Variants in PTPN2 observed in about 807,000 individuals in gnomAD.
The protein encoded by PTPN2 is protein tyrosine phosphatase non-receptor type 2, also known as tyrosine-protein phosphatase non-receptor type 2.
Under a neutral mutation model 57.3 loss-of-function variants are expected in PTPN2, and 19 were observed. The observed-to-expected ratio is 0.33, with a 90% CI of 0.23 to 0.49. PTPN2 has a LOEUF of 0.49. Among genes scored for constraint, PTPN2 ranks in the 20% least tolerant of loss-of-function variants. PTPN2 has a pLI of 0.99. For missense variants in PTPN2, 358 were observed against 501.1 expected (o/e 0.71, Z 2.73); for synonymous variants, 153 against 164.9 (o/e 0.93, Z 0.55).
Position 12,810,981 on chromosome 18 carries a change from A to G in PTPN2, c.858+3222T>C, listed in dbSNP as rs2041871333. Among the ~76,000 whole-genome samples the G allele has an allele frequency of 2.6e-5, 4 of 152,158 alleles. No homozygotes were observed. The South Asian group carries it at 6.2e-4, about 24-fold the overall frequency. On this transcript the variant is annotated intron_variant, in intron 7 of 8. Coordinates refer to ENST00000309660, the MANE Select transcript of PTPN2 (RefSeq NM_002828.4). Reference sequence around the variant, plus strand: ...GTTCCCTTGTTTGTTTTGTTACTCAATCCAAATCTTTTATAGTGAAGACAT... The same window carrying G: ...GTTCCCTTGTTTGTTTTGTTACTCAGTCCAAATCTTTTATAGTGAAGACAT...
At chr18:12,852,177 T>C (rs2043417895) in intron 2 of PTPN2, among the ~76,000 whole-genome samples, 2 of 136,118 alleles carry the variant, frequency 1.5e-5, no homozygotes, top group African/African-American at 5.3e-5. Context: ...AAGAAATTTA[T>C]GGTATGGGTT....
Position 12,814,949 on chromosome 18 carries a change from C to T in PTPN2, c.706-594G>A, listed in dbSNP as rs11660704. ...AAATACAAAAATTAGCTGGGTGTGG[C>T]GGCGCATGTCTGTAATCCCAGCTAC... On this transcript the variant is annotated intron_variant, in intron 6 of 8. Coordinates refer to ENST00000309660, the MANE Select transcript of PTPN2 (RefSeq NM_002828.4). Among the ~76,000 whole-genome samples the T allele has an allele frequency of 5.9e-5, 9 of 151,838 alleles. No individual in the cohort carries two copies. The South Asian group carries it at 6.3e-4, about 11-fold the overall frequency.
chr18:12,852,614 C>G (rs1289673449), intron 2 of PTPN2, among the ~76,000 whole-genome samples: 1 of 152,172 alleles, frequency 6.6e-6, no homozygotes, highest in African/African-American at 2.4e-5. Context: ...TTCCTGGGCT[C>G]AAGCGATCCT....
At chr18:12,824,109 C>T (rs1161399375) in intron 5 of PTPN2, among the ~76,000 whole-genome samples, 1 of 152,208 alleles carries the variant, frequency 6.6e-6, no homozygotes, top group Non-Finnish European at 1.5e-5. Context: ...GAACAATGTA[C>T]AGCTCAGTCC....
At chr18:12,883,023 TA>T (rs972777088) in intron 1 of PTPN2, among the ~76,000 whole-genome samples, 3 of 152,168 alleles carry the variant, frequency 2.0e-5, no homozygotes, top group African/African-American at 4.8e-5. Context: ...CTAGTTGACA[TA>T]AAAAAAGCGA....
At chr18:12,797,119 ACC>A (rs1168572077) in intron 8 of PTPN2, among the ~76,000 whole-genome samples, 7 of 152,190 alleles carry the variant, frequency 4.6e-5, no homozygotes, top group African/African-American at 1.7e-4. Context: ...ATATGCATGT[ACC>A]TGTTAGTGAA....
intron 8 of PTPN2, among the ~76,000 whole-genome samples, chr18:12,800,828 G>A (rs2041392504): frequency 6.6e-6 from 1 of 152,184 alleles, no homozygotes; most frequent in South Asian, 2.1e-4. Flanking sequence ...ACTTTGCTAT[G>A]TGACTTATAC....
rs76207751 is a variant in PTPN2, at chr18:12,879,614, A to G, written c.69+4459T>C. Among the ~76,000 whole-genome samples the G allele has an allele frequency of 1.4e-3, 208 of 152,360 alleles. 1 individual carries two copies. Among genetic ancestry groups the G allele is most frequent in the Middle Eastern group, 0.01 (3 of 294 alleles). ...ACAGAGTCTGTTCTGCTCCAACCCA[A>G]TAATTCATTTCTAAGAAACCTCCTA... On this transcript the variant is annotated intron_variant, in intron 1 of 8. Transcript: ENST00000309660.
chr18:12,877,388 A>G (rs918567647), intron 1 of PTPN2, among the ~76,000 whole-genome samples: 1 of 152,222 alleles, frequency 6.6e-6, no homozygotes, highest in Non-Finnish European at 1.5e-5. Context: ...CTAGTCTTGA[A>G]GATGTTTCCC....
At chr18:12,821,840 C>T (rs1370239181) in intron 5 of PTPN2, among the ~76,000 whole-genome samples, 1 of 152,118 alleles carries the variant, frequency 6.6e-6, no homozygotes, top group Admixed American at 6.6e-5. Context: ...CAATGGAAGC[C>T]ACAGAAGAAT....
chr18:12,826,821 A>C (rs978713993), intron 4 of PTPN2, among the ~76,000 whole-genome samples: 3 of 152,024 alleles, frequency 2.0e-5, no homozygotes, highest in African/African-American at 7.2e-5. Context: ...CACCAACCTC[A>C]GCCTCCCAAA....
At chr18:12,791,826 G>A (rs2040989590), downstream of PTPN2, among the ~76,000 whole-genome samples, 1 of 152,154 alleles carries the variant, frequency 6.6e-6, no homozygotes, top group African/African-American at 2.4e-5. Context: ...AGCGCATTCA[G>A]CCAGCTGAGG....
chr18:12,868,511 C>G (rs2044073272), intron 1 of PTPN2, among the ~76,000 whole-genome samples: 1 of 152,090 alleles, frequency 6.6e-6, no homozygotes, highest in African/African-American at 2.4e-5. Context: ...CCGCCTTGGC[C>G]TCCCAAAGTG....
intron 1 of PTPN2, among the ~76,000 whole-genome samples, chr18:12,881,227 G>A (rs1320556270): frequency 3.9e-5 from 6 of 152,164 alleles, no homozygotes; most frequent in Admixed American, 3.3e-4. Flanking sequence ...CTGAGGTCAG[G>A]AGTTCGAGAC....
At position 12,870,283 on chromosome 18, in the gene PTPN2, A is replaced by G. The variant is rs1251882060; in HGVS notation, c.70-11029T>C. Among the ~76,000 whole-genome samples the G allele has an allele frequency of 8.4e-4, 59 of 70,362 alleles. 2 individuals are homozygous for G. Among genetic ancestry groups the G allele is most frequent in the Non-Finnish European group, 1.3e-3 (55 of 41,664 alleles). The allele number at this position is 70,362 out of a possible 152,430, so 46.2% of individuals were successfully genotyped here. A position where few individuals can be genotyped will look rare whatever the true frequency, so the allele number is the denominator to read the frequency against. On this transcript the variant is annotated intron_variant, in intron 1 of 8. Coordinates refer to ENST00000309660, the MANE Select transcript of PTPN2 (RefSeq NM_002828.4). Reference sequence around the variant, plus strand: ...CATATATATATATATGTATATATATACATATACATATATATGTGTATATAT... The same window carrying G: ...CATATATATATATATGTATATATATGCATATACATATATATGTGTATATAT...
chr18:12,884,006 C>G (rs1380522792), intron 1 of PTPN2, 67 bp downstream of exon 1: 3 of 1,400,820 alleles, frequency 2.1e-6, no homozygotes, highest in South Asian at 2.6e-5. Flanking sequence ...GGGAGGGACC[C>G]TGCGGACAGG....
intron 5 of PTPN2, among the ~76,000 whole-genome samples, chr18:12,820,940 T>G (rs2042250696): frequency 6.6e-6 from 1 of 152,200 alleles, no homozygotes; most frequent in South Asian, 2.1e-4. Context: ...GAAAATAACC[T>G]GTGAGTTGAG....
At chr18:12,810,083 G>C (rs2041838607) in intron 7 of PTPN2, among the ~76,000 whole-genome samples, 1 of 152,200 alleles carries the variant, frequency 6.6e-6, no homozygotes, top group African/African-American at 2.4e-5. Context: ...TTGGGAGGCT[G>C]AGGTAGAAGA....
intron 7 of PTPN2, among the ~76,000 whole-genome samples, chr18:12,811,121 T>C (rs945124218): frequency 6.6e-6 from 1 of 152,108 alleles, no homozygotes; most frequent in African/African-American, 2.4e-5. Flanking sequence ...TATTACACCC[T>C]TTTTACGGAA....
Sources: gnomAD v4.1 joint callset for allele counts (sites outside exome capture counted in the v4.1 genomes callset) on GRCh38, gnomAD v4.1.1 for gene constraint, MANE v1.5 for transcripts, NCBI Gene and HGNC (gene_info 2026-07-23, HGNC 2026-07-21) for gene names.